ATL1: variants seen among roughly 807,000 people sequenced by gnomAD.
ATL1 encodes atlastin GTPase 1.
A neutral mutation model predicts 75.5 loss-of-function variants in ATL1; 31 were observed. That is an observed-to-expected ratio of 0.41 (90% CI 0.31 to 0.55). The LOEUF is 0.55. Ranked by LOEUF, ATL1 falls within the 20% of genes least tolerant of loss-of-function variation. The pLI is 0.27. For missense variants in ATL1, 405 were observed against 662.6 expected (o/e 0.61, Z 4.27); for synonymous variants, 226 against 233.3 (o/e 0.97, Z 0.28).
intron 1 of ATL1, among the ~76,000 whole-genome samples, chr14:50,543,734 G>T (rs1348882025): frequency 6.6e-6 from 1 of 152,100 alleles, no homozygotes; most frequent in Non-Finnish European, 1.5e-5. Flanking sequence ...AGAATGCATG[G>T]GCCTGTGAAC....
intron 6 of ATL1, among the ~76,000 whole-genome samples, chr14:50,610,656 G>A (rs1375916181): frequency 2.0e-5 from 3 of 152,016 alleles, no homozygotes; most frequent in Non-Finnish European, 4.4e-5. Context: ...TATTTTAAAC[G>A]CTGACATTGT....
chr14:50,624,723 ATT>A (rs2039500369), intron 11 of ATL1, among the ~76,000 whole-genome samples: 3 of 152,178 alleles, frequency 2.0e-5, no homozygotes, highest in East Asian at 1.9e-4. Context: ...CTTTGCACCA[ATT>A]AGTTAGCCAG....
chr14:50,630,523 T>C (rs1345513038), intron 13 of ATL1, among the ~76,000 whole-genome samples: 2 of 152,232 alleles, frequency 1.3e-5, no homozygotes, highest in African/African-American at 4.8e-5. Context: ...TGTTCATTTC[T>C]CCTACCGCAC....
At position 50,560,937 on chromosome 14, in the gene ATL1, G is replaced by A. The variant is rs192972927; in HGVS notation, c.34+638G>A. On this transcript the variant is annotated intron_variant, in intron 1 of 13. Transcript: ENST00000358385. ...ATTTGGGGGTTGGGTGGGGGAATTG[G>A]GGAAGAAGGAGAGCAAAGTTGTGGT... 3.4e-3 allele frequency: 523 copies of A among 153,342 alleles called. 3 individuals are homozygous for A. Among genetic ancestry groups the A allele is most frequent in the Admixed American group, 0.011 (166 of 15,328 alleles). 9.5% of individuals were successfully genotyped at this position (153,342 alleles called of 1,614,324 possible).
intron 9 of ATL1, 52 bp downstream of exon 9, chr14:50,620,778 A>G (rs1178149503): frequency 6.2e-7 from 1 of 1,602,896 alleles, no homozygotes; most frequent in Non-Finnish European, 8.5e-7. Context: ...CATATATTGG[A>G]TCGTAATTCC....
chr14:50,592,929 AATAT>A (rs1555364084), intron 4 of ATL1, among the ~76,000 whole-genome samples: 19 of 113,858 alleles, frequency 1.7e-4, no homozygotes, highest in African/African-American at 5.6e-4. Context: ...AAAAAAAAAA[AATAT>A]ATATATATAT....
chr14:50,554,888 G>T (rs2038746426), intron 1 of ATL1, among the ~76,000 whole-genome samples: 1 of 152,108 alleles, frequency 6.6e-6, no homozygotes, highest in African/African-American at 2.4e-5. Flanking sequence ...TACAGTCCTG[G>T]ATTTTTCTCA....
At chr14:50,545,159 G>A (rs1023222853) in intron 1 of ATL1, among the ~76,000 whole-genome samples, 1 of 152,086 alleles carries the variant, frequency 6.6e-6, no homozygotes, top group Non-Finnish European at 1.5e-5. Flanking sequence ...AACACAGTAG[G>A]CAAAGAGCCA....
chr14:50,613,446 C>T (rs1195786425), intron 7 of ATL1, 95 bp downstream of exon 7: 11 of 880,778 alleles, frequency 1.2e-5, no homozygotes, highest in Middle Eastern at 3.3e-4. Flanking sequence ...AGCCACTAGC[C>T]GCAATCTCAT....
rs760257396 is a variant in ATL1 at position 50,595,642 on chromosome 14, T to C, written c.630+10T>C. 1 of 1,612,780 alleles carries C rather than the reference T, an allele frequency of 6.2e-7. No homozygotes were observed. The highest frequency in any genetic ancestry group is 1.1e-5 in the South Asian group (1 of 91,058). On this transcript the variant is annotated intron_variant, in intron 6 of 13. Transcript: ENST00000358385. The stretch of plus-strand genomic sequence containing the variant: ...CCTGAAGCCATTTCAGGTGAGCGAG[T>C]GTTAAATGATGGTAAATTCTTACTA...
intron 12 of ATL1, among the ~76,000 whole-genome samples, chr14:50,628,749 C>T (rs911268735): frequency 1.3e-5 from 2 of 152,070 alleles, no homozygotes; most frequent in African/African-American, 4.8e-5. Context: ...GGCAGTCTTG[C>T]TCTGTCATCT....
intron 1 of ATL1, among the ~76,000 whole-genome samples, chr14:50,576,733 G>A (rs115456276): frequency 0.014 from 2,152 of 152,122 alleles, 39 homozygotes; most frequent in African/African-American, 0.049. Context: ...GTGCCTCCAT[G>A]TTTGGCTAAT....
chr14:50,574,908 AGTGTGTGTGTGT>A (rs35304376), intron 1 of ATL1, among the ~76,000 whole-genome samples: 1 of 52,278 alleles, frequency 1.9e-5, no homozygotes, highest in African/African-American at 9.1e-5. Context: ...TTCAATACTG[AGTGTGTGTGTGT>A]GTGTGTGTGT....
chr14:50,618,859 ATG>A (rs71441298), intron 8 of ATL1, among the ~76,000 whole-genome samples: 7 of 147,806 alleles, frequency 4.7e-5, no homozygotes, highest in East Asian at 2.0e-4. Flanking sequence ...TATATAATGT[ATG>A]TGTGTGTGTG....
At chr14:50,564,420 C>T (rs1188096611) in intron 1 of ATL1, among the ~76,000 whole-genome samples, 2 of 151,778 alleles carry the variant, frequency 1.3e-5, no homozygotes. Flanking sequence ...GAAGCTAAGG[C>T]GGGCAGATCA....
chr14:50,589,348 CAG>C (rs1221743158), intron 2 of ATL1, among the ~76,000 whole-genome samples: 1 of 151,818 alleles, frequency 6.6e-6, no homozygotes, highest in African/African-American at 2.4e-5. Flanking sequence ...TTAGTAGAGA[CAG>C]GGTTTCACTA....
At position 50,604,766 on chromosome 14, in the gene ATL1, T is replaced by C. The variant is rs79467773; in HGVS notation, c.631-8493T>C. On this transcript the variant is annotated intron_variant, in intron 6 of 13. Transcript: ENST00000358385. Reference sequence around the variant, plus strand: ...TGGGTAAGGGTATAGAGTTGCTGCATTGAAAGTGTCACACTGATGGGTGGT... The same window carrying C: ...TGGGTAAGGGTATAGAGTTGCTGCACTGAAAGTGTCACACTGATGGGTGGT... 3.6e-3 allele frequency among the ~76,000 whole-genome samples: 542 copies of C among 152,208 alleles called. 3 individuals carry two copies. Among genetic ancestry groups the C allele is most frequent in the African/African-American group, 0.012 (514 of 41,558 alleles).
intron 1 of ATL1, among the ~76,000 whole-genome samples, chr14:50,536,868 G>A (rs569552777): frequency 1.3e-5 from 2 of 152,308 alleles, no homozygotes; most frequent in East Asian, 1.9e-4. Flanking sequence ...GTTGTTAAAA[G>A]CATTCAGTCT....
intron 1 of ATL1, among the ~76,000 whole-genome samples, chr14:50,551,067 T>G (rs999051490): frequency 4.6e-5 from 7 of 151,278 alleles, no homozygotes; most frequent in Admixed American, 3.9e-4. Context: ...CAAAAAAAAT[T>G]CAAGACAGAT....
Sources: allele counts gnomAD v4.1 joint callset (sites outside exome capture counted in the v4.1 genomes callset), GRCh38; gene constraint gnomAD v4.1.1; transcripts MANE v1.5; gene names NCBI Gene and HGNC (gene_info 2026-07-23, HGNC 2026-07-21).